The following CCDC62 variants were observed in gnomAD, a reference collection of about 807,000 sequenced individuals.
CCDC62 encodes the protein coiled-coil domain-containing protein 62.
CCDC62 carries 72 observed loss-of-function variants against 80.8 expected under a neutral mutation model. The observed-to-expected ratio is 0.89, with a 90% CI of 0.74 to 1.08. CCDC62 has a LOEUF of 1.08. Among genes scored for constraint, CCDC62 ranks in the 50% least tolerant of loss-of-function variants. CCDC62 has a pLI of 0.00. For synonymous variants in CCDC62, 286 were observed against 296.5 expected (o/e 0.96, Z 0.36); for missense variants, 704 against 809.4 (o/e 0.87, Z 1.58).
intron 11 of CCDC62, among the ~76,000 whole-genome samples, chr12:122,819,700 C>T (rs370948280): frequency 6.6e-6 from 1 of 152,020 alleles, no homozygotes; most frequent in African/African-American, 2.4e-5. Flanking sequence ...GGAAATATTT[C>T]CAGATATATT....
chr12:122,826,915 G>C lies in CCDC62; in HGVS notation c.*534G>C, dbSNP rs140885543. 2 of 153,194 alleles carry C rather than the reference G, an allele frequency of 1.3e-5. No individual in the cohort carries two copies. The highest frequency in any genetic ancestry group is 2.9e-5 in the Non-Finnish European group (2 of 68,846). The allele number at this position is 153,194 out of a possible 1,614,324, so 9.5% of individuals were successfully genotyped here. ...GACTTTGCTGTGTAAATAGACATAA[G>C]GTGCTTTGATATAAAATATAAAATG... On this transcript the variant is annotated 3_prime_UTR_variant, in exon 13 of 13. Transcript: ENST00000253079.
chr12:122,783,505 T>C (rs898798999), intron 3 of CCDC62, among the ~76,000 whole-genome samples: 14 of 152,156 alleles, frequency 9.2e-5, no homozygotes, highest in South Asian at 2.1e-4. Context: ...GGATTACAGG[T>C]GTGAGCCACC....
intron 11 of CCDC62, among the ~76,000 whole-genome samples, chr12:122,815,039 C>T (rs2032105793): frequency 6.6e-6 from 1 of 152,108 alleles, no homozygotes; most frequent in Non-Finnish European, 1.5e-5. Context: ...AGTAATCCTC[C>T]TGCCTCAGCC....
intron 12 of CCDC62, among the ~76,000 whole-genome samples, chr12:122,825,554 C>A (rs946474977): frequency 1.0e-4 from 14 of 135,102 alleles, no homozygotes; most frequent in African/African-American, 3.8e-4. Context: ...CGGGGTTTCG[C>A]CACGTTGGCC....
intron 10 of CCDC62, among the ~76,000 whole-genome samples, chr12:122,809,782 C>T (rs1593821327): frequency 6.6e-6 from 1 of 152,188 alleles, no homozygotes; most frequent in African/African-American, 2.4e-5. Flanking sequence ...TACAAGGCTA[C>T]AGTAACCAAA....
chr12:122,806,350 T>G, intron 10 of CCDC62, 55 bp downstream of exon 10: 1 of 1,450,802 alleles, frequency 6.9e-7, no homozygotes, highest in Non-Finnish European at 9.2e-7. Flanking sequence ...TCTCACCAGC[T>G]TTTAATGCTT....
intron 6 of CCDC62, among the ~76,000 whole-genome samples, chr12:122,794,085 T>C (rs1323081152): frequency 6.6e-6 from 1 of 152,230 alleles, no homozygotes; most frequent in African/African-American, 2.4e-5. Flanking sequence ...GCTTAAAGGA[T>C]ACGTTAGTCT....
At chr12:122,783,021 C>T (rs1396654214) in intron 3 of CCDC62, among the ~76,000 whole-genome samples, 2 of 150,344 alleles carry the variant, frequency 1.3e-5, no homozygotes, top group African/African-American at 4.9e-5. Flanking sequence ...GTAGGAGAGT[C>T]AATTGAACCT....
rs2032635693 is a variant in CCDC62, at chr12:122,826,419, C to G, written c.*41-3C>G. ...ATGTTGTGTTTTCTTCATCCAAAAG[C>G]AGATTTCTCATCTATGTGGAAGGCA... On this transcript the variant is annotated splice_polypyrimidine_tract_variant and splice_region_variant and intron_variant, in intron 12 of 12. Coordinates refer to ENST00000253079, the MANE Select transcript of CCDC62 (RefSeq NM_201435.5). The G allele has an allele frequency of 2.6e-6, 2 of 779,876 alleles. No individual in the cohort carries two copies. Among genetic ancestry groups the G allele is most frequent in the South Asian group, 1.3e-5 (1 of 74,434 alleles). The allele number at this position is 779,876 out of a possible 1,614,324, so 48.3% of individuals were successfully genotyped here.
intron 11 of CCDC62, among the ~76,000 whole-genome samples, chr12:122,819,432 A>G (rs1289793547): frequency 6.6e-6 from 1 of 152,200 alleles, no homozygotes; most frequent in Non-Finnish European, 1.5e-5. Context: ...GAAATTGGCA[A>G]TGTTTTCTAA....
chr12:122,817,218 A>ATTTTTTTTT (rs71085859), intron 11 of CCDC62, among the ~76,000 whole-genome samples: 149 of 134,236 alleles, frequency 1.1e-3, no homozygotes, highest in African/African-American at 4.1e-3. Context: ...CGCCTAGCTA[A>ATTTTTTTTT]TTTTTTTTTT....
At chr12:122,815,055 A>G (rs2032106564) in intron 11 of CCDC62, among the ~76,000 whole-genome samples, 1 of 151,778 alleles carries the variant, frequency 6.6e-6, no homozygotes, top group Non-Finnish European at 1.5e-5. Context: ...CAGCCTCCCA[A>G]AGTGTTGGGA....
At position 122,826,608 on chromosome 12, in the gene CCDC62, A is replaced by C. The variant is rs2032642567; in HGVS notation, c.*227A>C. On this transcript the variant is annotated 3_prime_UTR_variant, in exon 13 of 13. Coordinates refer to ENST00000253079, the MANE Select transcript of CCDC62 (RefSeq NM_201435.5). ...TTAACCATTTTTGTGCTGAAGAAAT[A>C]TTTTCATGTGTAAGAAAGTAGACCT... 3.5e-6 allele frequency: 2 copies of C among 568,788 alleles called. No homozygotes were observed. Among genetic ancestry groups the C allele is most frequent in the Middle Eastern group, 2.8e-4 (1 of 3,524 alleles). The allele number at this position is 568,788 out of a possible 1,614,324, so 35.2% of individuals were successfully genotyped here. A position where few individuals can be genotyped will look rare whatever the true frequency, so the allele number is the denominator to read the frequency against.
At chr12:122,801,001 C>T in intron 8 of CCDC62, 123 bp from the exon 9 acceptor site, 1 of 1,024,210 alleles carries the variant, frequency 9.8e-7, no homozygotes, top group African/African-American at 1.6e-5. Context: ...TGGAATTGGG[C>T]TCTGAGGTTC....
chr12:122,818,430 G>A (rs1043123206), intron 11 of CCDC62, among the ~76,000 whole-genome samples: 1 of 149,246 alleles, frequency 6.7e-6, no homozygotes, highest in Non-Finnish European at 1.5e-5. Flanking sequence ...TCCAGCCTGG[G>A]TGACATAGCG....
rs1453168481 is a variant in CCDC62, at chr12:122,813,330, C to T, written c.1912C>T (p.Leu638=). 1 of 1,613,942 alleles carries T rather than the reference C, an allele frequency of 6.2e-7. No individual in the cohort carries two copies. The highest frequency in any genetic ancestry group is 8.5e-7 in the Non-Finnish European group (1 of 1,179,922). ...GCCCACGAGCAAGCTCCAGCGTTTG[C>T]TGGCGGAATCTCGTCAGATGGTGAC... The part of the protein sequence containing the change: ...FSPTSKLQRL[L]AESRQMVTDL... The change falls in exon 11 of 13, where the codon CTG becomes TTG. Residue 638 remains leucine (L), a synonymous_variant. Coordinates refer to ENST00000253079, the MANE Select transcript of CCDC62 (RefSeq NM_201435.5).
intron 11 of CCDC62, among the ~76,000 whole-genome samples, chr12:122,817,612 C>G (rs1370266351): frequency 1.3e-5 from 2 of 152,216 alleles, no homozygotes; most frequent in Non-Finnish European, 2.9e-5. Flanking sequence ...GCGTGAGCCA[C>G]TATGCCTGGC....
chr12:122,799,464 G>A (rs2031162984), intron 8 of CCDC62, among the ~76,000 whole-genome samples: 1 of 152,190 alleles, frequency 6.6e-6, no homozygotes, highest in South Asian at 2.1e-4. Context: ...CACCGAGGGT[G>A]ATCTGTGCCC....
Position 122,804,628 on chromosome 12 carries a change from AAAAT to A in CCDC62, c.1707-1507_1707-1504del, listed in dbSNP as rs1296952467. ...GCATGGCCCATCTCCAATAATAACA[AAAAT>A]AAATAAATAAATAAAGCCATTAACA... is the stretch of plus-strand genomic sequence containing the variant. On this transcript the variant is annotated intron_variant, in intron 9 of 12. Transcript: ENST00000253079. Among the ~76,000 whole-genome samples the A allele has an allele frequency of 5.9e-5, 9 of 152,188 alleles. No homozygotes were observed. The East Asian group carries it at 9.6e-4, about 16-fold the overall frequency.
Sources: allele counts gnomAD v4.1 joint callset (sites outside exome capture counted in the v4.1 genomes callset), GRCh38; gene constraint gnomAD v4.1.1; transcripts MANE v1.5; gene names NCBI Gene and HGNC (gene_info 2026-07-23, HGNC 2026-07-21).